Variants in JAM3 observed in about 807,000 individuals in gnomAD.
The protein encoded by JAM3 is junctional adhesion molecule C.
In JAM3, 31 loss-of-function variants were observed where a neutral mutation model predicts 39.4. The observed-to-expected ratio is 0.79, with a 90% CI of 0.59 to 1.06. JAM3 has a LOEUF of 1.06. Among genes scored for constraint, JAM3 ranks in the 50% least tolerant of loss-of-function variants. The pLI is 0.00. For missense variants in JAM3, 455 were observed against 391.4 expected, an observed-to-expected ratio of 1.16 and a Z score of -1.37; for synonymous variants, 182 against 148.7, an observed-to-expected ratio of 1.22 and a Z score of -1.63.
At chr11:134,081,739 G>A (rs1941668871) in intron 1 of JAM3, among the ~76,000 whole-genome samples, 2 of 152,210 alleles carry the variant, frequency 1.3e-5, no homozygotes, top group African/African-American at 4.8e-5. Flanking sequence ...AGTCCCTACT[G>A]GGGTACTGCC....
chr11:134,091,581 G>A (rs892860449), intron 1 of JAM3, among the ~76,000 whole-genome samples: 14 of 151,390 alleles, frequency 9.2e-5, no homozygotes, highest in Non-Finnish European at 1.9e-4. Context: ...AGTGAGCTAC[G>A]ATTGTGTCAC....
At chr11:134,122,215 C>T (rs974242170) in intron 1 of JAM3, among the ~76,000 whole-genome samples, 21 of 152,210 alleles carry the variant, frequency 1.4e-4, no homozygotes, top group African/African-American at 4.1e-4. Flanking sequence ...AGACAAGGTC[C>T]CGGTCTGTTC....
intron 1 of JAM3, chr11:134,070,119 C>T (rs968554584): frequency 4.4e-6 from 2 of 455,826 alleles, no homozygotes; most frequent in East Asian, 6.9e-5. Context: ...GCCATTATCT[C>T]GTTTACTCCT....
intron 1 of JAM3, among the ~76,000 whole-genome samples, chr11:134,094,207 C>A (rs1184896389): frequency 1.5e-5 from 2 of 129,122 alleles, no homozygotes; most frequent in Non-Finnish European, 3.3e-5. Context: ...TTCCACCTTA[C>A]ATGTCACTTC....
chr11:134,111,696 G>T (rs564604205), intron 1 of JAM3, among the ~76,000 whole-genome samples: 1 of 152,154 alleles, frequency 6.6e-6, no homozygotes, highest in South Asian at 2.1e-4. Context: ...GCAGGAAAAT[G>T]GTTAAAATCA....
chr11:134,107,067 G>T (rs1317761437), intron 1 of JAM3, among the ~76,000 whole-genome samples: 1 of 152,104 alleles, frequency 6.6e-6, no homozygotes, highest in Non-Finnish European at 1.5e-5. Flanking sequence ...CAATAGCAAA[G>T]ACCTGGAACC....
chr11:134,142,426 C>T (rs181778746), intron 3 of JAM3, among the ~76,000 whole-genome samples: 3 of 152,276 alleles, frequency 2.0e-5, no homozygotes, highest in Admixed American at 1.3e-4. Flanking sequence ...TGTGCTCCAT[C>T]GGAAGCATCT....
At position 134,149,338 on chromosome 11, in the gene JAM3, C is replaced by A; in HGVS notation, c.*157C>A. On this transcript the variant is annotated 3_prime_UTR_variant, in exon 9 of 9. Transcript: ENST00000299106. ...AAAGTTGACCACTACTCTTCTTACT[C>A]TAACAAGCCACATGAATAGAAGAAT... The A allele has an allele frequency of 1.3e-6, 1 of 781,060 alleles. No homozygotes were observed. Among genetic ancestry groups the A allele is most frequent in the South Asian group, 1.5e-5 (1 of 65,232 alleles). 48.4% of individuals were successfully genotyped at this position (781,060 alleles called of 1,614,324 possible). A position where few individuals can be genotyped will look rare whatever the true frequency, so the allele number is the denominator to read the frequency against.
At chr11:134,115,429 C>G (rs1942409177) in intron 1 of JAM3, among the ~76,000 whole-genome samples, 2 of 151,910 alleles carry the variant, frequency 1.3e-5, no homozygotes, top group South Asian at 4.2e-4. Context: ...GTTCTTTGTT[C>G]TTTTGTTCTT....
rs529440421 is a variant in JAM3, at chr11:134,134,474, TA to T, written c.77-5375del. 3.7e-3 allele frequency among the ~76,000 whole-genome samples: 425 copies of T among 114,584 alleles called. 3 individuals carry two copies. Among genetic ancestry groups the T allele is most frequent in the Middle Eastern group, 0.016 (3 of 184 alleles). 75.2% of individuals were successfully genotyped at this position (114,584 alleles called of 152,430 possible). ...CAGAAAATCAAAGATAAATAAAACA[TA>T]AGAAGACAGAGGGGAAAAGTACCTT... On this transcript the variant is annotated intron_variant, in intron 1 of 8. Transcript: ENST00000299106.
At chr11:134,117,339 T>C (rs1461085807) in intron 1 of JAM3, among the ~76,000 whole-genome samples, 4 of 152,052 alleles carry the variant, frequency 2.6e-5, no homozygotes, top group Non-Finnish European at 5.9e-5. Context: ...ATCACACCAT[T>C]GCACTCCAGC....
intron 1 of JAM3, among the ~76,000 whole-genome samples, chr11:134,128,025 T>A (rs973456772): frequency 4.6e-5 from 7 of 152,194 alleles, no homozygotes; most frequent in Admixed American, 4.6e-4. Context: ...GTGGTTTTTT[T>A]GTTTATAAAA....
chr11:134,081,828 T>A (rs1941670567), intron 1 of JAM3, among the ~76,000 whole-genome samples: 1 of 152,120 alleles, frequency 6.6e-6, no homozygotes, highest in Non-Finnish European at 1.5e-5. Flanking sequence ...ACTGTGCACC[T>A]GGAAAAGCCA....
chr11:134,126,725 GA>G (rs1942655227), intron 1 of JAM3, among the ~76,000 whole-genome samples: 1 of 152,186 alleles, frequency 6.6e-6, no homozygotes, highest in Non-Finnish European at 1.5e-5. Flanking sequence ...TTCCTGTGTA[GA>G]AAACTGTGCT....
Position 134,088,331 on chromosome 11 carries a change from A to G in JAM3, c.76+19172A>G, listed in dbSNP as rs148484693. On this transcript the variant is annotated intron_variant, in intron 1 of 8. Transcript: ENST00000299106. ...TTTTACCACCCCCGAAGCTCTTATC[A>G]TACCTTGCTAAAGAAGCATTGCTTT... Among the ~76,000 whole-genome samples, 419 of 152,284 alleles carry G rather than the reference A, an allele frequency of 2.8e-3. 2 individuals are homozygous for G. The highest frequency in any genetic ancestry group is 9.4e-3 in the African/African-American group (389 of 41,558).
Position 134,144,385 on chromosome 11 carries a change from C to T in JAM3, c.401C>T (p.Thr134Ile), listed in dbSNP as rs200509708. The change falls in exon 4 of 9, where the codon ACT (threonine) becomes ATT (isoleucine). Residue 134 changes from threonine to isoleucine, a missense_variant. Coordinates refer to ENST00000299106, the MANE Select transcript of JAM3 (RefSeq NM_032801.5). Reference sequence around the variant, plus strand: ...ATTGATGAGATTGTGATCGAGTTAACTGTGCAAGGTAGGAGCTCATGCGAA... The same window carrying T: ...ATTGATGAGATTGTGATCGAGTTAATTGTGCAAGGTAGGAGCTCATGCGAA... Reference protein sequence around the residue: ...KEIDEIVIELTVQVKPVTPVC... With the variant: ...KEIDEIVIELIVQVKPVTPVC... 4.7e-5 allele frequency: 76 copies of T among 1,614,080 alleles called. No homozygotes were observed. The highest frequency in any genetic ancestry group is 6.4e-5 in the Non-Finnish European group (76 of 1,180,038).
At chr11:134,076,852 T>TG in intron 1 of JAM3, among the ~76,000 whole-genome samples, 1 of 150,036 alleles carries the variant, frequency 6.7e-6, no homozygotes, top group Non-Finnish European at 1.5e-5. Flanking sequence ...TTTTTTTTTT[T>TG]TGAGATGGAG....
At chr11:134,087,907 T>A (rs965938593) in intron 1 of JAM3, among the ~76,000 whole-genome samples, 1 of 152,216 alleles carries the variant, frequency 6.6e-6, no homozygotes, top group Non-Finnish European at 1.5e-5. Context: ...GGAGGCTGTC[T>A]TGTGCATTGT....
At chr11:134,117,200 A>G (rs1022906380) in intron 1 of JAM3, among the ~76,000 whole-genome samples, 2 of 152,046 alleles carry the variant, frequency 1.3e-5, no homozygotes, top group African/African-American at 4.8e-5. Context: ...TGTCTCTACT[A>G]AAAGTACAAA....
Sources: allele counts gnomAD v4.1 joint callset (sites outside exome capture counted in the v4.1 genomes callset), GRCh38; gene constraint gnomAD v4.1.1; transcripts MANE v1.5; gene names NCBI Gene and HGNC (gene_info 2026-07-23, HGNC 2026-07-21).